The following PRKN variants were observed in gnomAD, a reference collection of about 807,000 sequenced individuals.
PRKN encodes parkin RBR E3 ubiquitin protein ligase.
In PRKN, 56 loss-of-function variants were observed where a neutral mutation model predicts 59.5. That is an observed-to-expected ratio of 0.94 (90% confidence interval 0.76 to 1.18). PRKN has a LOEUF of 1.18. Among genes scored for constraint, PRKN ranks in the 50% most tolerant of loss-of-function variants. The pLI, the probability that PRKN is intolerant of heterozygous loss-of-function variation, is 0.00. For missense variants in PRKN, 657 were observed against 596.4 expected (o/e 1.10, Z -1.06); for synonymous variants, 250 against 222.1 (o/e 1.13, Z -1.12).
intron 4 of PRKN, among the ~76,000 whole-genome samples, chr6:162,087,449 G>T (rs987588779): frequency 1.3e-5 from 2 of 151,760 alleles, no homozygotes; most frequent in African/African-American, 4.8e-5. Context: ...GCACAGATTA[G>T]AATTTTATTA....
chr6:161,525,078 C>T lies in PRKN; in HGVS notation c.1083+23776G>A, dbSNP rs1778970076. 6.6e-6 allele frequency among the ~76,000 whole-genome samples: 1 copy of T among 152,050 alleles called. No individual in the cohort carries two copies. The highest frequency in any genetic ancestry group is 2.4e-5 in the African/African-American group (1 of 41,404). On this transcript the variant is annotated intron_variant, in intron 9 of 11. Coordinates refer to ENST00000366898, the MANE Select transcript of PRKN (RefSeq NM_004562.3). The surrounding 1 kb of genome is among the most constrained non-coding windows in gnomAD (Gnocchi z 4.7). The stretch of plus-strand genomic sequence containing the variant: ...TGCCTAAGCAAATGATATTTCATCT[C>T]TTAATGTGAAAATAAGATTTTTGAG...
At chr6:162,450,756 C>T (rs1790587916) in intron 1 of PRKN, among the ~76,000 whole-genome samples, 1 of 152,168 alleles carries the variant, frequency 6.6e-6, no homozygotes, top group Admixed American at 6.5e-5. Context: ...CTGTTAGAGT[C>T]TAAGGGCCTA....
chr6:161,541,490 A>C (rs535412832), intron 9 of PRKN, among the ~76,000 whole-genome samples: 9 of 152,230 alleles, frequency 5.9e-5, no homozygotes, highest in Non-Finnish European at 1.2e-4. Context: ...ATTTTCTAAC[A>C]CATTATTCAA....
chr6:162,275,462 A>C (rs892492100), intron 2 of PRKN: 8 of 152,132 alleles, frequency 5.3e-5, no homozygotes, highest in Non-Finnish European at 1.5e-5. Context: ...GCAATGAATA[A>C]AAATGCAATT....
chr6:162,148,542 G>A (rs974194555), intron 4 of PRKN, among the ~76,000 whole-genome samples: 2 of 152,072 alleles, frequency 1.3e-5, no homozygotes, highest in Non-Finnish European at 2.9e-5. Flanking sequence ...TCCTATGCAG[G>A]TAGCACAAAA....
chr6:161,681,457 T>A (rs898049743), intron 7 of PRKN, among the ~76,000 whole-genome samples: 1 of 152,142 alleles, frequency 6.6e-6, no homozygotes, highest in Non-Finnish European at 1.5e-5. Flanking sequence ...GTAAATCTTT[T>A]TTTTTTTTCT....
chr6:161,975,468 A>G (rs1780992338), intron 5 of PRKN, among the ~76,000 whole-genome samples: 4 of 152,144 alleles, frequency 2.6e-5, no homozygotes. Context: ...AATAAATGCT[A>G]TATGTTATCC....
intron 6 of PRKN, among the ~76,000 whole-genome samples, chr6:161,853,905 G>C (rs967297474): frequency 6.6e-6 from 1 of 152,056 alleles, no homozygotes; most frequent in Admixed American, 6.6e-5. Flanking sequence ...TGGCGCTGCA[G>C]TGAGAGACTA....
chr6:162,140,343 C>T (rs1781724553), intron 4 of PRKN, among the ~76,000 whole-genome samples: 1 of 152,318 alleles, frequency 6.6e-6, no homozygotes, highest in South Asian at 2.1e-4. Context: ...ACACACGACT[C>T]TTTCAATGCC....
intron 4 of PRKN, among the ~76,000 whole-genome samples, chr6:162,185,296 C>A (rs1452101912): frequency 6.6e-6 from 1 of 152,122 alleles, no homozygotes; most frequent in African/African-American, 2.4e-5. Flanking sequence ...TTTCCCCCCA[C>A]TAAATGATAA....
chr6:161,872,736 A>C (rs1794393359), intron 6 of PRKN, among the ~76,000 whole-genome samples: 1 of 151,972 alleles, frequency 6.6e-6, no homozygotes, highest in African/African-American at 2.4e-5. Flanking sequence ...TGGGACTAGG[A>C]CTGTAACGGA....
chr6:162,517,388 CA>C (rs1265317953), intron 1 of PRKN, among the ~76,000 whole-genome samples: 1 of 151,188 alleles, frequency 6.6e-6, no homozygotes, highest in Non-Finnish European at 1.5e-5. Flanking sequence ...GCTGGGACTA[CA>C]GGCACCCGCC....
intron 7 of PRKN, among the ~76,000 whole-genome samples, chr6:161,590,504 G>T (rs975189868): frequency 6.6e-6 from 1 of 152,024 alleles, no homozygotes. Flanking sequence ...AGGCTGAGGC[G>T]GGCCGATCAG....
At chr6:161,804,504 T>C (rs1035950396) in intron 6 of PRKN, among the ~76,000 whole-genome samples, 2 of 152,060 alleles carry the variant, frequency 1.3e-5, no homozygotes, top group African/African-American at 4.8e-5. Context: ...TCCCTCTCCA[T>C]CCCCTTCCCT....
At chr6:161,486,792 C>T (rs1452241462) in intron 9 of PRKN, among the ~76,000 whole-genome samples, 5 of 152,134 alleles carry the variant, frequency 3.3e-5, no homozygotes, top group Non-Finnish European at 5.9e-5. Context: ...ATGTTACAGA[C>T]ATATTTAATA....
chr6:161,574,329 G>C (rs145179811), intron 7 of PRKN, among the ~76,000 whole-genome samples: 1 of 152,088 alleles, frequency 6.6e-6, no homozygotes, highest in Admixed American at 6.5e-5. Context: ...AGGAAAACAT[G>C]GGCCTGGCGA....
intron 1 of PRKN, among the ~76,000 whole-genome samples, chr6:162,610,370 C>G (rs953554249): frequency 6.6e-6 from 1 of 152,166 alleles, no homozygotes; most frequent in Non-Finnish European, 1.5e-5. Context: ...GTAAAAATAG[C>G]TCTAGAAATC....
intron 5 of PRKN, among the ~76,000 whole-genome samples, chr6:162,021,985 A>C (rs1783223850): frequency 6.6e-6 from 1 of 152,110 alleles, no homozygotes; most frequent in Non-Finnish European, 1.5e-5. Context: ...CCCTAGGATT[A>C]TGGCCTGTAA....
rs113273886 is a variant in PRKN, at chr6:161,811,039, G to A, written c.735-25131C>T. ...AATTCTCAAAATGATCTGTAGATTC[G>A]AAATAATCCCTTTTGAAATATCATC... On this transcript the variant is annotated intron_variant, in intron 6 of 11. Coordinates refer to ENST00000366898, the MANE Select transcript of PRKN (RefSeq NM_004562.3). 7.5e-3 allele frequency among the ~76,000 whole-genome samples: 1,148 copies of A among 152,250 alleles called. 8 individuals are homozygous for A. Among genetic ancestry groups the A allele is most frequent in the African/African-American group, 0.026 (1,077 of 41,542 alleles).
Sources: gnomAD v4.1 joint callset for allele counts (sites outside exome capture counted in the v4.1 genomes callset) on GRCh38, gnomAD v4.1.1 for gene constraint, Gnocchi (gnomAD v3.1) non-coding constraint, MANE v1.5 for transcripts, NCBI Gene and HGNC (gene_info 2026-07-23, HGNC 2026-07-21) for gene names.